Variants in PTBP2 observed in about 807,000 individuals in gnomAD.
The protein encoded by PTBP2 is polypyrimidine tract binding protein 2, also known as polypyrimidine tract-binding protein 2.
Under a neutral mutation model 61.4 loss-of-function variants are expected in PTBP2, and 13 were observed. That is an observed-to-expected ratio of 0.21 (90% CI 0.14 to 0.34). The LOEUF is 0.34. Among genes scored for constraint, PTBP2 ranks in the 10% least tolerant of loss-of-function variants. The pLI, the probability that PTBP2 is intolerant of heterozygous loss-of-function variation, is 1.00. For synonymous variants in PTBP2, 215 were observed against 218.5 expected, an observed-to-expected ratio of 0.98 and a Z score of 0.14; for missense variants, 405 against 642.6, an observed-to-expected ratio of 0.63 and a Z score of 4.00.
At chr1:96,799,203 C>A (rs897865944) in intron 8 of PTBP2, among the ~76,000 whole-genome samples, 1 of 151,994 alleles carries the variant, frequency 6.6e-6, no homozygotes, top group Non-Finnish European at 1.5e-5. Context: ...GAAAAAGATT[C>A]CTGCAACACC....
rs1415482959 is a variant in PTBP2 at position 96,762,517 on chromosome 1, G to A, written c.116-7186G>A. ...GGCTGACCCCCGCCACCTCCCTCCC[G>A]GACGGGGCGGCTGGCCGGGCTGGGG... On this transcript the variant is annotated intron_variant, in intron 3 of 13. Coordinates refer to ENST00000674951, the MANE Select transcript of PTBP2 (RefSeq NM_021190.4). Among the ~76,000 whole-genome samples the A allele has an allele frequency of 1.9e-3, 280 of 146,188 alleles. 9 individuals are homozygous for A. Among genetic ancestry groups the A allele is most frequent in the African/African-American group, 6.9e-3 (272 of 39,324 alleles).
chr1:96,767,375 T>C (rs1005068338), intron 3 of PTBP2, among the ~76,000 whole-genome samples: 1 of 152,092 alleles, frequency 6.6e-6, no homozygotes. Flanking sequence ...TCTTTATTGG[T>C]CTTTTTTTTT....
intron 2 of PTBP2, among the ~76,000 whole-genome samples, chr1:96,726,242 G>T (rs1650481561): frequency 6.7e-6 from 1 of 148,714 alleles, no homozygotes; most frequent in South Asian, 2.1e-4. Context: ...TTACGTGATT[G>T]AATTCAAACT....
intron 11 of PTBP2, among the ~76,000 whole-genome samples, chr1:96,810,006 AGT>A (rs1429592710): frequency 3.9e-5 from 6 of 152,274 alleles, no homozygotes; most frequent in African/African-American, 4.8e-5. Flanking sequence ...AAAAAATGAG[AGT>A]GGTAACACAA....
At chr1:96,775,899 A>G (rs1212133174) in intron 5 of PTBP2, among the ~76,000 whole-genome samples, 3 of 152,110 alleles carry the variant, frequency 2.0e-5, no homozygotes, top group African/African-American at 7.2e-5. Context: ...ATTAAATAAA[A>G]GTATGAATAG....
At chr1:96,728,096 C>T (rs917951176) in intron 2 of PTBP2, among the ~76,000 whole-genome samples, 1 of 152,056 alleles carries the variant, frequency 6.6e-6, no homozygotes, top group Non-Finnish European at 1.5e-5. Context: ...CACAAGGGCT[C>T]CTGCTTCAGC....
At chr1:96,765,708 T>TAGATAGATAGA (rs142433685) in intron 3 of PTBP2, among the ~76,000 whole-genome samples, 4 of 147,278 alleles carry the variant, frequency 2.7e-5, no homozygotes, top group East Asian at 4.0e-4. Context: ...AGACTCTGTC[T>TAGATAGATAGA]TAGATAGATA....
intron 3 of PTBP2, among the ~76,000 whole-genome samples, chr1:96,760,440 CTTTTTTTTTTTTTTT>C (rs989047792): frequency 1.2e-5 from 1 of 83,084 alleles, no homozygotes; most frequent in Non-Finnish European, 2.2e-5. Context: ...AAATAGTTTG[CTTTTTTTTTTTTTTT>C]TTTTTTTTTG....
chr1:96,792,731 G>A (rs1250127040), intron 8 of PTBP2, among the ~76,000 whole-genome samples: 2 of 151,894 alleles, frequency 1.3e-5, no homozygotes, highest in African/African-American at 4.8e-5. Context: ...GGGTAGATAT[G>A]TAACATGCAA....
At chr1:96,759,062 A>G (rs1365728494) in intron 3 of PTBP2, among the ~76,000 whole-genome samples, 1 of 152,160 alleles carries the variant, frequency 6.6e-6, no homozygotes, top group Non-Finnish European at 1.5e-5. Context: ...CAGACAAAAT[A>G]TCAGGAAAAA....
chr1:96,741,223 T>G (rs1652971038), intron 2 of PTBP2, among the ~76,000 whole-genome samples: 1 of 152,094 alleles, frequency 6.6e-6, no homozygotes, highest in African/African-American at 2.4e-5. Context: ...ACTAATTGTT[T>G]TGTTATTTTT....
chr1:96,729,875 C>T (rs941214375), intron 2 of PTBP2, among the ~76,000 whole-genome samples: 1 of 151,644 alleles, frequency 6.6e-6, no homozygotes, highest in Non-Finnish European at 1.5e-5. Flanking sequence ...TAGCTGGGAT[C>T]ACAGGCACAC....
At chr1:96,778,916 C>G (rs1557744202) in intron 7 of PTBP2, among the ~76,000 whole-genome samples, 1 of 152,018 alleles carries the variant, frequency 6.6e-6, no homozygotes, top group Non-Finnish European at 1.5e-5. Flanking sequence ...GTAATAATAG[C>G]ATAATTGTAA....
chr1:96,767,337 C>T (rs905449076), intron 3 of PTBP2, among the ~76,000 whole-genome samples: 1 of 151,948 alleles, frequency 6.6e-6, no homozygotes, highest in Non-Finnish European at 1.5e-5. Context: ...AGCCTTTTTT[C>T]TCCTTATGGG....
At chr1:96,766,940 T>C (rs1221201132) in intron 3 of PTBP2, among the ~76,000 whole-genome samples, 1 of 152,208 alleles carries the variant, frequency 6.6e-6, no homozygotes, top group South Asian at 2.1e-4. Flanking sequence ...ACTTCCTGTC[T>C]ATACCACTTA....
At chr1:96,735,264 A>G (rs1005976316) in intron 2 of PTBP2, among the ~76,000 whole-genome samples, 2 of 152,184 alleles carry the variant, frequency 1.3e-5, no homozygotes, top group African/African-American at 2.4e-5. Flanking sequence ...CTAAAAAGAA[A>G]TGTAACTTAA....
At chr1:96,736,606 T>A (rs1436264322) in intron 2 of PTBP2, among the ~76,000 whole-genome samples, 2 of 152,240 alleles carry the variant, frequency 1.3e-5, no homozygotes, top group Non-Finnish European at 2.9e-5. Flanking sequence ...AGTTTTCATA[T>A]TGGTTACATG....
intron 1 of PTBP2, among the ~76,000 whole-genome samples, 168 bp downstream of exon 1, chr1:96,722,040 G>GCTTCCATTT (rs1241605733): frequency 2.0e-5 from 3 of 152,092 alleles, no homozygotes; most frequent in Non-Finnish European, 4.4e-5. Flanking sequence ...TCCCCCGGCG[G>GCTTCCATTT]GCTTTGGTCG....
intron 5 of PTBP2, among the ~76,000 whole-genome samples, chr1:96,772,454 C>T (rs574908091): frequency 2.6e-5 from 4 of 152,184 alleles, no homozygotes; most frequent in South Asian, 2.1e-4. Flanking sequence ...GTCTATTTTA[C>T]AATGTCACAA....
Sources: allele counts gnomAD v4.1 joint callset (sites outside exome capture counted in the v4.1 genomes callset), GRCh38; gene constraint gnomAD v4.1.1; transcripts MANE v1.5; gene names NCBI Gene and HGNC (gene_info 2026-07-23, HGNC 2026-07-21).